AANAT: variants seen among roughly 807,000 people sequenced by gnomAD.
AANAT encodes the protein aralkylamine N-acetyltransferase.
In AANAT, 11 loss-of-function variants were observed where a neutral mutation model predicts 15.6. The observed-to-expected ratio is 0.71, with a 90% confidence interval of 0.44 to 1.17. The LOEUF (loss-of-function observed/expected upper bound fraction) is 1.17. AANAT is among the 50% of genes most tolerant of loss of function. AANAT has a pLI of 0.00. For synonymous variants in AANAT, 139 were observed against 131.5 expected (o/e 1.06, Z -0.39); for missense variants, 286 against 296.3 (o/e 0.97, Z 0.26).
At chr17:76,459,422 A>G (rs1332858258) in intron 2 of AANAT, 1 of 152,254 alleles carries the variant, frequency 6.6e-6, no homozygotes. Flanking sequence ...CAGAGTTCTC[A>G]TCCTGATGGA....
At chr17:76,463,009 G>T (rs2073403915), upstream of AANAT, among the ~76,000 whole-genome samples, 1 of 152,178 alleles carries the variant, frequency 6.6e-6, no homozygotes, top group South Asian at 2.1e-4. Flanking sequence ...CACACGGAGG[G>T]GAGGGGGTGT....
chr17:76,463,325 T>TTTTTTTTTGG (rs2073407214), upstream of AANAT, among the ~76,000 whole-genome samples: 1 of 149,486 alleles, frequency 6.7e-6, no homozygotes, highest in Non-Finnish European at 1.5e-5. Context: ...TTTTTTTTTT[T>TTTTTTTTTGG]GAGATACAGT....
chr17:76,463,309 C>CTTTT (rs60885549), upstream of AANAT, among the ~76,000 whole-genome samples: 5,198 of 111,786 alleles, frequency 0.046, 267 homozygotes, highest in Non-Finnish European at 0.053. Context: ...GGAAGGATTC[C>CTTTT]TTTTTTTTTT....
At chr17:76,458,673 G>T (rs1217539442) in intron 1 of AANAT, among the ~76,000 whole-genome samples, 1 of 152,140 alleles carries the variant, frequency 6.6e-6, no homozygotes, top group Non-Finnish European at 1.5e-5. Context: ...GCCCTGTCTC[G>T]TCCCTATCTT....
upstream of AANAT, among the ~76,000 whole-genome samples, chr17:76,465,680 C>G (rs2073430072): frequency 6.6e-6 from 1 of 151,592 alleles, no homozygotes; most frequent in Non-Finnish European, 1.5e-5. Flanking sequence ...TGTTGGGCCC[C>G]TCACCCTCCT....
At chr17:76,456,028 A>C (rs2073340049) in intron 1 of AANAT, among the ~76,000 whole-genome samples, 1 of 150,150 alleles carries the variant, frequency 6.7e-6, no homozygotes, top group South Asian at 2.1e-4. Flanking sequence ...AAGAGAGAGA[A>C]AAGTTAAAAG....
chr17:76,468,969 G>T lies in AANAT; in HGVS notation c.163+60G>T. 3.8e-6 allele frequency: 6 copies of T among 1,559,978 alleles called. No homozygotes were observed. In the African/African-American group the frequency reaches 8.1e-5, roughly 21 times the overall value. ...CACTCTGGTCCAGTTATCCTGTGGGGAGGAGACCCTTAGTCTCCTGTCCTT... is the reference window on the plus strand; with the variant it reads ...CACTCTGGTCCAGTTATCCTGTGGGTAGGAGACCCTTAGTCTCCTGTCCTT... On this transcript the variant is annotated intron_variant, in intron 2 of 3. Coordinates refer to ENST00000392492, the MANE Select transcript of AANAT (RefSeq NM_001088.3).
intron 2 of AANAT, among the ~76,000 whole-genome samples, chr17:76,460,698 G>A (rs1271560605): frequency 6.6e-6 from 1 of 152,170 alleles, no homozygotes; most frequent in Admixed American, 6.5e-5. Context: ...ATTACTTGGG[G>A]AGCCGTAGGT....
chr17:76,466,162 CA>C, upstream of AANAT: 1 of 1,536,860 alleles, frequency 6.5e-7, no homozygotes, highest in East Asian at 2.4e-5. Flanking sequence ...GATTGGCCAC[CA>C]GGGGGTGCCA....
intron 1 of AANAT, among the ~76,000 whole-genome samples, chr17:76,455,376 G>C (rs952193919): frequency 6.6e-6 from 1 of 152,154 alleles, no homozygotes; most frequent in African/African-American, 2.4e-5. Flanking sequence ...ACTTGAACCT[G>C]GGGGTTGGAG....
chr17:76,457,498 G>A (rs377757468), intron 1 of AANAT, among the ~76,000 whole-genome samples: 2 of 152,084 alleles, frequency 1.3e-5, no homozygotes, highest in South Asian at 2.1e-4. Flanking sequence ...TTTATTCTGC[G>A]GCTTCTTGTA....
At chr17:76,453,411 GCGGGGACC>G (rs2073299584) in exon 1 of AANAT, 1 of 293,136 alleles carries the variant, frequency 3.4e-6, no homozygotes, top group South Asian at 1.6e-4. Context: ...GCGAGAAGGG[GCGGGGACC>G]CGGGAGGAGG....
In AANAT at chr17:76,469,067, A is replaced by T. The variant is rs1447162786; in HGVS notation, c.164-106A>T. On this transcript the variant is annotated intron_variant, in intron 2 of 3. Coordinates refer to ENST00000392492, the MANE Select transcript of AANAT (RefSeq NM_001088.3). The surrounding 1 kb of genome is among the most constrained non-coding windows in gnomAD (Gnocchi z 5.2). ...GGGGGAAACAGCAGCCCTAACCCCC[A>T]TTTTCCTGTGGGGAACGGGGCATCT... is the stretch of plus-strand genomic sequence containing the variant. 5.2e-6 allele frequency: 8 copies of T among 1,539,102 alleles called. No individual in the cohort carries two copies. The highest frequency in any genetic ancestry group is 1.4e-5 in the African/African-American group (1 of 73,430).
chr17:76,454,543 G>A (rs965200478), intron 1 of AANAT, among the ~76,000 whole-genome samples: 1 of 152,006 alleles, frequency 6.6e-6, no homozygotes, highest in African/African-American at 2.4e-5. Context: ...GGCCAGGCGT[G>A]GTGGCTCATG....
chr17:76,466,277 C>T (rs968850787), upstream of AANAT: 3 of 1,485,506 alleles, frequency 2.0e-6, no homozygotes, highest in Admixed American at 6.3e-5. Flanking sequence ...ACCCCACCAA[C>T]CAAGCCCAAG....
chr17:76,469,610 G>GGGGA lies in AANAT; in HGVS notation c.319-53_319-50dup. The GGGGA allele has an allele frequency of 7.0e-7, 1 of 1,426,092 alleles. No homozygotes were observed. The highest frequency in any genetic ancestry group is 9.2e-7 in the Non-Finnish European group (1 of 1,091,142). The allele number at this position is 1,426,092 out of a possible 1,614,324, so 88.3% of individuals were successfully genotyped here. On this transcript the variant is annotated intron_variant, in intron 3 of 3. Transcript: ENST00000392492. The surrounding 1 kb of genome is among the most constrained non-coding windows in gnomAD (Gnocchi z 5.2). ...CTCCCTGCCTGGGTTGGTGGTTGGG[G>GGGGA]GGGAGCACGTGTCAGCAGAAGTGAC...
chr17:76,467,053 G>A (rs2073445668), upstream of AANAT, among the ~76,000 whole-genome samples: 1 of 152,106 alleles, frequency 6.6e-6, no homozygotes, highest in Non-Finnish European at 1.5e-5. Flanking sequence ...GGTAGTCAGA[G>A]CCAACAGGGA....
chr17:76,457,909 G>A (rs1422082825), intron 1 of AANAT, among the ~76,000 whole-genome samples: 2 of 152,192 alleles, frequency 1.3e-5, no homozygotes, highest in Non-Finnish European at 1.5e-5. Flanking sequence ...GGTGGCGGGC[G>A]CCTGAAATCC....
upstream of AANAT, among the ~76,000 whole-genome samples, chr17:76,467,205 T>A (rs189199544): frequency 3.3e-4 from 51 of 152,268 alleles, no homozygotes; most frequent in African/African-American, 1.1e-3. Context: ...TTTAAATATT[T>A]AATTAAATTA....
Sources: allele counts gnomAD v4.1 joint callset (sites outside exome capture counted in the v4.1 genomes callset), GRCh38; gene constraint gnomAD v4.1.1; non-coding constraint Gnocchi (gnomAD v3.1); transcripts MANE v1.5; gene names NCBI Gene and HGNC (gene_info 2026-07-23, HGNC 2026-07-21).